The following ARAP2 variants were observed in gnomAD, a reference collection of about 807,000 sequenced individuals.
The protein encoded by ARAP2 is ArfGAP with RhoGAP domain, ankyrin repeat and PH domain 2.
Under a neutral mutation model 194.5 loss-of-function variants are expected in ARAP2, and 148 were observed. The ratio of observed to expected loss-of-function variants is 0.76; its 90% CI spans 0.67 to 0.87. The LOEUF is 0.87. ARAP2 is among the 40% of genes least tolerant of loss of function. ARAP2 has a pLI of 0.00. For missense variants in ARAP2, 2,128 were observed against 1,989.7 expected (o/e 1.07, Z -1.32); for synonymous variants, 695 against 683.5 (o/e 1.02, Z -0.26).
intron 9 of ARAP2, among the ~76,000 whole-genome samples, chr4:36,009,355 C>A (rs1035714476): frequency 6.6e-6 from 1 of 151,990 alleles, no homozygotes; most frequent in Non-Finnish European, 1.5e-5. Flanking sequence ...TACTATGCAG[C>A]GATAAAAAAG....
chr4:36,061,052 A>G (rs528943665), downstream of ARAP2, among the ~76,000 whole-genome samples: 9 of 152,264 alleles, frequency 5.9e-5, no homozygotes, highest in South Asian at 1.2e-3. Context: ...CATTGCTAGA[A>G]GCAGTTTTTT....
intron 23 of ARAP2, among the ~76,000 whole-genome samples, 180 bp downstream of exon 23, chr4:36,120,996 AAAT>A (rs1352213513): frequency 1.3e-5 from 2 of 151,780 alleles, no homozygotes; most frequent in African/African-American, 4.8e-5. Flanking sequence ...AACCAAATTT[AAAT>A]AATGACTATA....
intron 5 of ARAP2, among the ~76,000 whole-genome samples, chr4:36,035,338 T>C (rs963230726): frequency 7.9e-5 from 12 of 152,124 alleles, no homozygotes; most frequent in African/African-American, 2.4e-4. Flanking sequence ...AACTTATCCA[T>C]CTATTCTAGG....
intron 27 of ARAP2, among the ~76,000 whole-genome samples, chr4:36,106,579 GT>G (rs1254267803): frequency 4.6e-5 from 7 of 151,910 alleles, no homozygotes; most frequent in Admixed American, 1.3e-4. Context: ...ATGATACTGA[GT>G]AGTTTACAGC....
chr4:36,086,817 A>T (rs755749957), intron 28 of ARAP2, among the ~76,000 whole-genome samples: 1 of 152,114 alleles, frequency 6.6e-6, no homozygotes, highest in Non-Finnish European at 1.5e-5. Context: ...CTTTCTTCAC[A>T]CCATTAACAG....
At chr4:36,109,272 T>C (rs1393120916) in intron 26 of ARAP2, among the ~76,000 whole-genome samples, 1 of 151,900 alleles carries the variant, frequency 6.6e-6, no homozygotes, top group East Asian at 1.9e-4. Context: ...TAACTCATTA[T>C]AATAATGGCA....
At chr4:36,141,138 TTCAG>T (rs1425043954) in intron 19 of ARAP2, among the ~76,000 whole-genome samples, 1 of 151,672 alleles carries the variant, frequency 6.6e-6, no homozygotes, top group East Asian at 1.9e-4. Flanking sequence ...TCTTGAACAT[TTCAG>T]TCAAAGTGAT....
intron 1 of ARAP2, among the ~76,000 whole-genome samples, chr4:36,241,165 T>C (rs1373265422): frequency 1.3e-5 from 2 of 152,234 alleles, no homozygotes; most frequent in Non-Finnish European, 2.9e-5. Context: ...AAAACTTTTG[T>C]ATAAGTGTAT....
chr4:36,136,408 T>C (rs1351831006), intron 19 of ARAP2, among the ~76,000 whole-genome samples: 1 of 151,648 alleles, frequency 6.6e-6, no homozygotes, highest in Admixed American at 6.6e-5. Context: ...ATCAAGACAG[T>C]TCAATAAGAC....
At chr4:36,155,700 C>T (rs1732119105) in intron 15 of ARAP2, among the ~76,000 whole-genome samples, 2 of 149,492 alleles carry the variant, frequency 1.3e-5, no homozygotes, top group African/African-American at 2.5e-5. Flanking sequence ...CTCGCTGTGT[C>T]TCCCAGGCTG....
rs550360675 is a variant in ARAP2 at position 36,240,117 on chromosome 4, G to A, written c.-160+4062C>T. Among the ~76,000 whole-genome samples the A allele has an allele frequency of 1.1e-4, 17 of 152,030 alleles. No individual in the cohort carries two copies. The South Asian group carries it at 1.5e-3, about 13-fold the overall frequency. On this transcript the variant is annotated intron_variant, in intron 1 of 32. Transcript: ENST00000303965. ...AAATGAGGGTAATATACCCTATATC[G>A]TATAGTATTTCTATTAGAATTAAAC...
intron 8 of ARAP2, among the ~76,000 whole-genome samples, chr4:36,179,029 A>G (rs997125230): frequency 2.0e-5 from 3 of 152,222 alleles, no homozygotes; most frequent in African/African-American, 4.8e-5. Flanking sequence ...GAATACATTT[A>G]TAACTCTGAA....
intron 20 of ARAP2, among the ~76,000 whole-genome samples, chr4:36,130,536 T>C (rs1364226049): frequency 6.6e-6 from 1 of 151,884 alleles, no homozygotes; most frequent in Non-Finnish European, 1.5e-5. Context: ...AGCACTGTGC[T>C]TTACCCATGA....
intron 2 of ARAP2, among the ~76,000 whole-genome samples, chr4:36,220,881 T>G (rs1425288719): frequency 6.6e-6 from 1 of 152,114 alleles, no homozygotes; most frequent in Non-Finnish European, 1.5e-5. Context: ...CTAGGGTTAA[T>G]TTATCATTGA....
At chr4:36,187,026 C>G (rs1740717654) in intron 8 of ARAP2, among the ~76,000 whole-genome samples, 3 of 152,194 alleles carry the variant, frequency 2.0e-5, no homozygotes, top group Non-Finnish European at 2.9e-5. Flanking sequence ...CGAAACCAGT[C>G]CCTGGTGCAA....
At chr4:36,183,239 G>C (rs1739687131) in intron 8 of ARAP2, among the ~76,000 whole-genome samples, 1 of 151,812 alleles carries the variant, frequency 6.6e-6, no homozygotes, top group South Asian at 2.1e-4. Flanking sequence ...GTAAGAGTCT[G>C]CTTGCCCAGA....
chr4:36,128,718 T>C lies in ARAP2; in HGVS notation c.3455A>G (p.Lys1152Arg). The C allele has an allele frequency of 6.2e-7, 1 of 1,610,618 alleles. No homozygotes were observed. The highest frequency in any genetic ancestry group is 1.1e-5 in the South Asian group (1 of 90,914). ...ACTTATATGCAAAGGATCACCATTCTTTTGATAGATATATTTGCATCCTAA... is the reference window on the plus strand; with the variant it reads ...ACTTATATGCAAAGGATCACCATTCCTTTGATAGATATATTTGCATCCTAA... ...YGLGCKYIYQKNGDPLHISEL... is the reference protein window; with the variant it reads ...YGLGCKYIYQRNGDPLHISEL... Residue 1152 changes from lysine (K) to arginine (R), a missense_variant, in exon 21 of 33, where the codon AAG (lysine) becomes AGG (arginine). Coordinates refer to ENST00000303965, the MANE Select transcript of ARAP2 (RefSeq NM_015230.4).
At chr4:36,219,634 T>C (rs997196450) in intron 2 of ARAP2, among the ~76,000 whole-genome samples, 2 of 152,200 alleles carry the variant, frequency 1.3e-5, no homozygotes, top group Non-Finnish European at 2.9e-5. Flanking sequence ...CTATTTTATA[T>C]GTAAATTATG....
intron 6 of ARAP2, among the ~76,000 whole-genome samples, chr4:36,207,848 T>C (rs1411499546): frequency 1.3e-5 from 2 of 152,128 alleles, no homozygotes; most frequent in Non-Finnish European, 2.9e-5. Flanking sequence ...TCCTGGAAAT[T>C]TTCACCCACA....
Sources: gnomAD v4.1 joint callset for allele counts (sites outside exome capture counted in the v4.1 genomes callset) on GRCh38, gnomAD v4.1.1 for gene constraint, MANE v1.5 for transcripts, NCBI Gene and HGNC (gene_info 2026-07-23, HGNC 2026-07-21) for gene names.